STIM1: variants seen among roughly 807,000 people sequenced by gnomAD.
The protein encoded by STIM1 is stromal interaction molecule 1.
Under a neutral mutation model 74.7 loss-of-function variants are expected in STIM1, and 25 were observed. That is an observed-to-expected ratio of 0.33 (90% confidence interval 0.24 to 0.47). The LOEUF (loss-of-function observed/expected upper bound fraction) is 0.47, where lower values mean the gene tolerates loss of function less well. Among genes scored for constraint, STIM1 ranks in the 20% least tolerant of loss-of-function variants. The probability of loss-of-function intolerance (pLI) is 1.00; values close to 1 mark genes in which losing one functional copy is unlikely to be tolerated. For synonymous variants in STIM1, 328 were observed against 348.8 expected, an observed-to-expected ratio of 0.94 and a Z score of 0.66; for missense variants, 728 against 920.8, an observed-to-expected ratio of 0.79 and a Z score of 2.71.
chr11:3,926,096 T>C (rs1410583511), intron 1 of STIM1, among the ~76,000 whole-genome samples: 1 of 152,224 alleles, frequency 6.6e-6, no homozygotes, highest in African/African-American at 2.4e-5. Context: ...AATATTATCT[T>C]TAACCTATGG....
chr11:4,022,346 A>G (rs1190427120), intron 2 of STIM1, among the ~76,000 whole-genome samples: 1 of 151,142 alleles, frequency 6.6e-6, no homozygotes, highest in East Asian at 1.9e-4. Context: ...AAAAAAAAAA[A>G]AAAAAAAAAA....
At chr11:4,048,805 C>T (rs1190396892) in intron 3 of STIM1, among the ~76,000 whole-genome samples, 1 of 152,026 alleles carries the variant, frequency 6.6e-6, no homozygotes, top group Non-Finnish European at 1.5e-5. Flanking sequence ...ACGATCTCAG[C>T]TCGCTGCAAC....
At chr11:3,956,850 AAGTC>A (rs1161080196) in intron 1 of STIM1, among the ~76,000 whole-genome samples, 1 of 150,002 alleles carries the variant, frequency 6.7e-6, no homozygotes, top group Non-Finnish European at 1.5e-5. Context: ...AAAAAAAAAA[AAGTC>A]AGAGAGGAGA....
intron 3 of STIM1, among the ~76,000 whole-genome samples, chr11:4,038,915 A>G (rs939918359): frequency 6.6e-6 from 1 of 152,204 alleles, no homozygotes; most frequent in Non-Finnish European, 1.5e-5. Context: ...ATATTCTCAA[A>G]TGGAAGTTGG....
chr11:3,894,180 G>A (rs2135390387), intron 1 of STIM1, among the ~76,000 whole-genome samples: 1 of 152,320 alleles, frequency 6.6e-6, no homozygotes, highest in East Asian at 1.9e-4. Flanking sequence ...CAGGAACCAG[G>A]AACTATGAAG....
At chr11:3,931,048 A>G (rs1445209471) in intron 1 of STIM1, among the ~76,000 whole-genome samples, 3 of 152,210 alleles carry the variant, frequency 2.0e-5, no homozygotes, top group Non-Finnish European at 4.4e-5. Flanking sequence ...GAACAAAATA[A>G]TCATAATGAA....
At chr11:3,980,644 G>T (rs1244328282) in intron 2 of STIM1, among the ~76,000 whole-genome samples, 2 of 146,032 alleles carry the variant, frequency 1.4e-5, no homozygotes, top group Non-Finnish European at 3.0e-5. Flanking sequence ...ACATTTCAGT[G>T]CAATGCCTGG....
chr11:4,067,341 CT>C (rs2094374359), intron 5 of STIM1, among the ~76,000 whole-genome samples: 1 of 152,144 alleles, frequency 6.6e-6, no homozygotes, highest in East Asian at 1.9e-4. Context: ...ATCTTAAGGC[CT>C]GGTTATTTGG....
At chr11:4,043,706 T>C (rs2094166723) in intron 3 of STIM1, among the ~76,000 whole-genome samples, 2 of 152,100 alleles carry the variant, frequency 1.3e-5, no homozygotes, top group African/African-American at 2.4e-5. Context: ...TTTTTACAGG[T>C]AGATTATGTC....
intron 5 of STIM1, 36 bp downstream of exon 5, chr11:4,059,432 A>T: frequency 6.3e-7 from 1 of 1,585,460 alleles, no homozygotes; most frequent in Non-Finnish European, 8.7e-7. Context: ...CTGCTGTGCC[A>T]TGGAAACCAA....
chr11:4,043,321 G>C lies in STIM1; in HGVS notation c.386-12205G>C, dbSNP rs372520045. On this transcript the variant is annotated intron_variant, in intron 3 of 12. Coordinates refer to ENST00000526596, the MANE Select transcript of STIM1 (RefSeq NM_001382567.1). ...CTATAAAACATAGTATGGAGACCAG[G>C]GTATATCTTTACTACCCAAGATGCT... Among the ~76,000 whole-genome samples the C allele has an allele frequency of 6.6e-5, 10 of 152,140 alleles. No individual in the cohort carries two copies. The South Asian group carries it at 2.1e-3, about 32-fold the overall frequency.
chr11:3,907,218 A>G (rs768325825), intron 1 of STIM1, among the ~76,000 whole-genome samples: 235 of 152,326 alleles, frequency 1.5e-3, no homozygotes, highest in Non-Finnish European at 2.7e-3. Context: ...TTATAATGGC[A>G]GTTACTATTC....
chr11:3,955,301 G>T (rs948543338), intron 1 of STIM1, among the ~76,000 whole-genome samples: 2 of 152,174 alleles, frequency 1.3e-5, no homozygotes, highest in African/African-American at 2.4e-5. Context: ...TGGGGTGGTG[G>T]TTACACAGGG....
Position 4,074,560 on chromosome 11 carries a change from A to G in STIM1, c.850A>G (p.Lys284Glu). 6.2e-7 allele frequency: 1 copy of G among 1,614,150 alleles called. No individual in the cohort carries two copies. Among genetic ancestry groups the G allele is most frequent in the Non-Finnish European group, 8.5e-7 (1 of 1,180,020 alleles). ...GGAGGTGGAGAAGGTCCATCTGGAA[A>G]AGAAGCTGCGCGATGAGATCAACCT... Reference protein sequence around the residue: ...TVEVEKVHLEKKLRDEINLAK... With the variant: ...TVEVEKVHLEEKLRDEINLAK... The change falls in exon 7 of 13, where the codon AAG (lysine) becomes GAG (glutamate). Residue 284 changes from lysine to glutamate, a missense_variant. Physicochemically the swap from Lys to Glu is moderately conservative, Grantham distance 56. Coordinates refer to ENST00000526596, the MANE Select transcript of STIM1 (RefSeq NM_001382567.1).
chr11:3,935,445 C>A (rs1408793917), intron 1 of STIM1, among the ~76,000 whole-genome samples: 1 of 152,170 alleles, frequency 6.6e-6, no homozygotes, highest in African/African-American at 2.4e-5. Context: ...CTGAAGTAAC[C>A]AGGAAACCTG....
At chr11:3,991,951 AAAAAAAAAAAAAAAAAAAAAAG>A (rs1168441004) in intron 2 of STIM1, among the ~76,000 whole-genome samples, 2 of 88,882 alleles carry the variant, frequency 2.3e-5, no homozygotes, top group African/African-American at 7.3e-5. Flanking sequence ...ACTCCATCTC[AAAAAAAAAAAAAAAAAAAAAAG>A]AAAAAAAAAA....
rs1327441367 is a variant in STIM1, at chr11:3,866,827, G to A, written c.139+10418G>A. On this transcript the variant is annotated intron_variant, in intron 1 of 12. Coordinates refer to ENST00000526596, the MANE Select transcript of STIM1 (RefSeq NM_001382567.1). ...ATGGAGTTATCAGCACCATAAGAGA[G>A]GGTAAAGAAAGAAAGAAAAGAAAAG... 1.2e-4 allele frequency among the ~76,000 whole-genome samples: 19 copies of A among 152,034 alleles called. 1 individual carries two copies. The highest frequency in any genetic ancestry group is 4.6e-4 in the African/African-American group (19 of 41,452).
At chr11:4,035,414 A>G (rs1320920182) in intron 3 of STIM1, among the ~76,000 whole-genome samples, 11 of 151,954 alleles carry the variant, frequency 7.2e-5, no homozygotes, top group Non-Finnish European at 1.3e-4. Context: ...TCCCTTAATA[A>G]TATGTTCTAA....
chr11:4,048,551 T>A (rs558881880), intron 3 of STIM1, among the ~76,000 whole-genome samples: 1 of 152,240 alleles, frequency 6.6e-6, no homozygotes, highest in Admixed American at 6.5e-5. Flanking sequence ...TTTTTCTTTA[T>A]TTAAGCTACC....
Sources: allele counts gnomAD v4.1 joint callset (sites outside exome capture counted in the v4.1 genomes callset), GRCh38; gene constraint gnomAD v4.1.1; transcripts MANE v1.5; gene names NCBI Gene and HGNC (gene_info 2026-07-23, HGNC 2026-07-21).